The following PCDH15 variants were observed in gnomAD, a reference collection of about 807,000 sequenced individuals.
The protein encoded by PCDH15 is protocadherin related 15.
A neutral mutation model predicts 178.5 loss-of-function variants in PCDH15; 129 were observed. The observed-to-expected ratio is 0.72, with a 90% CI of 0.63 to 0.84. The LOEUF is 0.84. Ranked by LOEUF, PCDH15 falls within the 40% of genes least tolerant of loss-of-function variation. The probability of loss-of-function intolerance (pLI) is 0.00; values close to 1 mark genes in which losing one functional copy is unlikely to be tolerated. For missense variants in PCDH15, 2,230 were observed against 2,099.9 expected, an observed-to-expected ratio of 1.06 and a Z score of -1.21; for synonymous variants, 800 against 732.0, an observed-to-expected ratio of 1.09 and a Z score of -1.50.
chr10:55,433,052 AAAAC>A (rs1480767723), intron 2 of PCDH15, among the ~76,000 whole-genome samples: 1,651 of 14,142 alleles, frequency 0.12, 14 homozygotes, highest in East Asian at 0.49. Flanking sequence ...AAAACAAAAC[AAAAC>A]AAAAACAGAA....
At chr10:54,915,613 T>C (rs1277211528) in intron 2 of PCDH15, among the ~76,000 whole-genome samples, 4 of 152,118 alleles carry the variant, frequency 2.6e-5, no homozygotes. Context: ...TTACATAAAG[T>C]GTTAGTACTG....
At chr10:55,293,272 T>C (rs1843053015) in intron 1 of PCDH15, among the ~76,000 whole-genome samples, 1 of 152,072 alleles carries the variant, frequency 6.6e-6, no homozygotes, top group Non-Finnish European at 1.5e-5. Context: ...AGGTTGCACA[T>C]AGCATAAAGA....
chr10:53,840,428 C>A lies in PCDH15; in HGVS notation c.3875G>T (p.Arg1292Leu). ...AKVVVESIGA[R>L]RHGDAFSLED... ...TAGGGAAAAGGCATCTCCATGCCGG[C>A]GAGCTCCAATGGACTCCACTACGAC... is the stretch of plus-strand genomic sequence containing the variant. The change falls in exon 29 of 38, where the codon CGC becomes CTC. Residue 1292 changes from arginine (R) to leucine (L), a missense_variant. By Grantham distance (102) the Arg-to-Leu change is moderately radical. Transcript: ENST00000644397. 6.2e-7 allele frequency: 1 copy of A among 1,613,980 alleles called. No individual in the cohort carries two copies. The highest frequency in any genetic ancestry group is 8.5e-7 in the Non-Finnish European group (1 of 1,179,892).
intron 20 of PCDH15, among the ~76,000 whole-genome samples, chr10:54,002,934 C>T (rs929591776): frequency 2.8e-4 from 42 of 152,270 alleles, no homozygotes; most frequent in African/African-American, 9.9e-4. Context: ...GTGGAAGCTT[C>T]CCTTTCGCTT....
intron 35 of PCDH15, among the ~76,000 whole-genome samples, chr10:53,813,394 G>C (rs2075948278): frequency 6.6e-6 from 1 of 152,040 alleles, no homozygotes. Context: ...ATCCAATTTT[G>C]ATGTTAAAAC....
intron 2 of PCDH15, among the ~76,000 whole-genome samples, chr10:55,531,124 T>G (rs1841444520): frequency 6.6e-6 from 1 of 151,936 alleles, no homozygotes; most frequent in Non-Finnish European, 1.5e-5. Flanking sequence ...CTAACTGGAG[T>G]GTTTTAGCTA....
chr10:55,081,461 T>G (rs778560743), intron 2 of PCDH15, among the ~76,000 whole-genome samples: 10 of 152,156 alleles, frequency 6.6e-5, no homozygotes, highest in Non-Finnish European at 1.3e-4. Context: ...TTTCAAGATA[T>G]AAACTTTGGA....
Position 53,985,648 on chromosome 10 carries a change from G to T in PCDH15, c.2868+10001C>A, listed in dbSNP as rs534819958. On this transcript the variant is annotated intron_variant, in intron 21 of 37. Coordinates refer to ENST00000644397, the MANE Select transcript of PCDH15 (RefSeq NM_001384140.1). ...AGATTATAAACACACCCCGAGAAAAGATCAAGCAGGGAAAAAATTGTCATG... is the reference window on the plus strand; with the variant it reads ...AGATTATAAACACACCCCGAGAAAATATCAAGCAGGGAAAAAATTGTCATG... Among the ~76,000 whole-genome samples the T allele has an allele frequency of 9.1e-4, 139 of 152,078 alleles. 1 individual carries two copies. Among genetic ancestry groups the T allele is most frequent in the African/African-American group, 3.3e-3 (136 of 41,490 alleles).
At chr10:55,148,663 A>G (rs1033792051) in intron 2 of PCDH15, among the ~76,000 whole-genome samples, 2 of 151,754 alleles carry the variant, frequency 1.3e-5, no homozygotes, top group African/African-American at 2.4e-5. Context: ...TTCACTATGA[A>G]AAATGTGTTT....
chr10:53,974,190 T>A (rs2090001402), intron 21 of PCDH15, among the ~76,000 whole-genome samples: 1 of 152,072 alleles, frequency 6.6e-6, no homozygotes, highest in Admixed American at 6.5e-5. Context: ...AATTTTTGCA[T>A]TTTTAGAAGA....
intron 1 of PCDH15, among the ~76,000 whole-genome samples, chr10:54,705,410 A>G (rs371138202): frequency 5.3e-5 from 8 of 152,252 alleles, no homozygotes; most frequent in African/African-American, 1.4e-4. Context: ...TTGAAAGAAT[A>G]GTTAGAATGC....
rs146423239 is a variant in PCDH15, at chr10:55,249,038, A to G, written c.-156+70561T>C. Among the ~76,000 whole-genome samples, 250 of 152,342 alleles carry G rather than the reference A, an allele frequency of 1.6e-3. 2 individuals are homozygous for G. The highest frequency in any genetic ancestry group is 4.2e-3 in the African/African-American group (173 of 41,586). On this transcript the variant is annotated intron_variant, in intron 1 of 5. Coordinates refer to the PCDH15 transcript ENST00000458638. ...TGGGCATGTCATACCTTGTGATAAA[A>G]AAGTTGTAAATCTATAAAAAGACAG...
intron 21 of PCDH15, among the ~76,000 whole-genome samples, chr10:53,982,062 T>C (rs1359940838): frequency 2.6e-5 from 4 of 152,046 alleles, no homozygotes; most frequent in Admixed American, 1.3e-4. Context: ...AAAAGACACA[T>C]GAAAAAATGC....
intron 2 of PCDH15, among the ~76,000 whole-genome samples, chr10:54,946,390 A>G (rs1265814921): frequency 1.3e-5 from 2 of 151,788 alleles, no homozygotes; most frequent in African/African-American, 4.8e-5. Flanking sequence ...CCTTGGGTTA[A>G]CACTGTCTCT....
chr10:54,344,254 T>A (rs1421548069), intron 6 of PCDH15, among the ~76,000 whole-genome samples: 1 of 152,192 alleles, frequency 6.6e-6, no homozygotes, highest in African/African-American at 2.4e-5. Context: ...ACATATATTA[T>A]TTATTTTTCT....
intron 8 of PCDH15, among the ~76,000 whole-genome samples, chr10:54,289,143 C>T (rs1347540717): frequency 6.6e-6 from 1 of 152,172 alleles, no homozygotes; most frequent in African/African-American, 2.4e-5. Flanking sequence ...TAGGCAGGTG[C>T]CCCTCTGGGA....
At chr10:54,877,328 A>T (rs1238875375) in intron 3 of PCDH15, among the ~76,000 whole-genome samples, 2 of 152,140 alleles carry the variant, frequency 1.3e-5, no homozygotes, top group African/African-American at 4.8e-5. Context: ...TTCACAGTAT[A>T]CTTTTTCCCC....
chr10:54,526,228 C>G (rs1048914139), intron 3 of PCDH15, among the ~76,000 whole-genome samples: 6 of 152,136 alleles, frequency 3.9e-5, no homozygotes, highest in Non-Finnish European at 5.9e-5. Context: ...CTATAATTAC[C>G]TAGTTGGCAA....
chr10:54,206,797 T>C (rs1475016312), intron 10 of PCDH15, among the ~76,000 whole-genome samples: 7 of 152,096 alleles, frequency 4.6e-5, no homozygotes, highest in Admixed American at 4.6e-4. Context: ...CTTTCATTGT[T>C]ATATTTCTAT....
Sources: allele counts gnomAD v4.1 joint callset (sites outside exome capture counted in the v4.1 genomes callset), GRCh38; gene constraint gnomAD v4.1.1; transcripts MANE v1.5; gene names NCBI Gene and HGNC (gene_info 2026-07-23, HGNC 2026-07-21).